DNAAF9: variants seen among roughly 807,000 people sequenced by gnomAD.
The protein encoded by DNAAF9 is dynein axonemal assembly factor 9.
DNAAF9 carries 90 observed loss-of-function variants against 167.0 expected under a neutral mutation model. The ratio of observed to expected loss-of-function variants is 0.54; its 90% CI spans 0.45 to 0.64. DNAAF9 has a LOEUF of 0.64. DNAAF9 is among the 30% of genes least tolerant of loss of function. The pLI is 0.00. For missense variants in DNAAF9, 1,315 were observed against 1,442.2 expected, an observed-to-expected ratio of 0.91 and a Z score of 1.43; for synonymous variants, 491 against 508.8, an observed-to-expected ratio of 0.96 and a Z score of 0.47.
rs188789654 is a variant in DNAAF9, at chr20:3,340,445, C to T, written c.981+59G>A. On this transcript the variant is annotated intron_variant, in intron 10 of 36. Coordinates refer to ENST00000252032, the MANE Select transcript of DNAAF9 (RefSeq NM_001009984.3). ...CTTTTTGTCTAGCTCCCCCCACCCACCCCACCCCCACAACTTGATAATAAA... is the reference window on the plus strand; with the variant it reads ...CTTTTTGTCTAGCTCCCCCCACCCATCCCACCCCCACAACTTGATAATAAA... 1.6e-3 allele frequency: 391 copies of T among 238,936 alleles called. 2 individuals carry two copies. Among genetic ancestry groups the T allele is most frequent in the Non-Finnish European group, 2.3e-3 (289 of 126,680 alleles). 14.8% of individuals were successfully genotyped at this position (238,936 alleles called of 1,614,324 possible).
rs966221093 is a variant in DNAAF9 at position 3,340,771 on chromosome 20, T to C, written c.846-132A>G. ...TGAGCAAAGTGGTCAGTCAGTACAGTCGACCGAATATCCTTGGCTGGTTGG... is the reference window on the plus strand; with the variant it reads ...TGAGCAAAGTGGTCAGTCAGTACAGCCGACCGAATATCCTTGGCTGGTTGG... On this transcript the variant is annotated intron_variant, in intron 9 of 36. Transcript: ENST00000252032. 3 of 742,982 alleles carry C rather than the reference T, an allele frequency of 4.0e-6. No individual in the cohort carries two copies. The Admixed American group carries it at 6.4e-5, about 16-fold the overall frequency. 46.0% of individuals were successfully genotyped at this position (742,982 alleles called of 1,614,324 possible). A position where few individuals can be genotyped will look rare whatever the true frequency, so the allele number is the denominator to read the frequency against.
At chr20:3,368,310 A>G (rs753041395) in intron 6 of DNAAF9, among the ~76,000 whole-genome samples, 1 of 152,138 alleles carries the variant, frequency 6.6e-6, no homozygotes, top group Admixed American at 6.5e-5. Flanking sequence ...AGCTAGTACC[A>G]TCAAGGGGCT....
At chr20:3,287,127 T>C (rs2068865540) in intron 27 of DNAAF9, among the ~76,000 whole-genome samples, 2 of 152,160 alleles carry the variant, frequency 1.3e-5, no homozygotes. Context: ...CCTATAATCA[T>C]AGTTCTGCAC....
chr20:3,301,990 T>G (rs1300360421), intron 21 of DNAAF9, among the ~76,000 whole-genome samples: 1 of 152,034 alleles, frequency 6.6e-6, no homozygotes, highest in Non-Finnish European at 1.5e-5. Flanking sequence ...CAGCCCAGGG[T>G]GGAGTGCAGT....
At chr20:3,291,001 C>A (rs1357347097) in intron 25 of DNAAF9, among the ~76,000 whole-genome samples, 3 of 151,988 alleles carry the variant, frequency 2.0e-5, no homozygotes, top group Admixed American at 6.6e-5. Flanking sequence ...GTTGGCCAGG[C>A]TGGTCTCGAA....
chr20:3,252,677 G>A lies in DNAAF9; in HGVS notation c.3429C>T (p.Asp1143=). ...CTTCCACGTAGTCATTCATGAACTG[G>A]TCCATGACTGGTATCTCATTAAGGA... ...GDKTDFHPLM[D]QFMNDYVEEA... Residue 1143 remains aspartate, a synonymous_variant, in exon 37 of 37, where the codon GAC becomes GAT. Coordinates refer to ENST00000252032, the MANE Select transcript of DNAAF9 (RefSeq NM_001009984.3). 6.4e-7 allele frequency: 1 copy of A among 1,572,494 alleles called. No individual in the cohort carries two copies.
intron 29 of DNAAF9, among the ~76,000 whole-genome samples, chr20:3,271,422 C>T (rs2122812312): frequency 6.6e-6 from 1 of 152,068 alleles, no homozygotes; most frequent in East Asian, 1.9e-4. Context: ...TGATCACTCC[C>T]AACCTTTTGG....
At position 3,337,441 on chromosome 20, in the gene DNAAF9, T is replaced by TG. The variant is rs1021257973; in HGVS notation, c.981+3062_981+3063insC. On this transcript the variant is annotated intron_variant, in intron 10 of 36. Coordinates refer to ENST00000252032, the MANE Select transcript of DNAAF9 (RefSeq NM_001009984.3). ...ACCACGCCCAGGTTCTTTTTTTTTG[T>TG]TTTTTTTTTTTTTGGTATTTTTAGT... 1.0e-4 allele frequency among the ~76,000 whole-genome samples: 3 copies of TG among 29,512 alleles called. No individual in the cohort carries two copies. The East Asian group carries it at 2.1e-3, about 21-fold the overall frequency. 19.4% of individuals were successfully genotyped at this position (29,512 alleles called of 152,430 possible). A position where few individuals can be genotyped will look rare whatever the true frequency, so the allele number is the denominator to read the frequency against.
chr20:3,250,188 T>C lies in DNAAF9; in HGVS notation c.*2384A>G, dbSNP rs958631699. Reference sequence around the variant, plus strand: ...ACTTCTAAGGTCAAAAGCAGTGTCATGGCCATTCCTTTGGAAACAGCAGAA... The same window carrying C: ...ACTTCTAAGGTCAAAAGCAGTGTCACGGCCATTCCTTTGGAAACAGCAGAA... On this transcript the variant is annotated 3_prime_UTR_variant, in exon 37 of 37. Coordinates refer to ENST00000252032, the MANE Select transcript of DNAAF9 (RefSeq NM_001009984.3). 1.3e-5 allele frequency: 2 copies of C among 152,254 alleles called. No homozygotes were observed. The highest frequency in any genetic ancestry group is 2.9e-5 in the Non-Finnish European group (2 of 68,074). 9.4% of individuals were successfully genotyped at this position (152,254 alleles called of 1,614,324 possible). A position where few individuals can be genotyped will look rare whatever the true frequency, so the allele number is the denominator to read the frequency against.
chr20:3,387,058 G>A (rs1259809800), intron 1 of DNAAF9, among the ~76,000 whole-genome samples: 1 of 152,172 alleles, frequency 6.6e-6, no homozygotes, highest in Non-Finnish European at 1.5e-5. Context: ...TGCATTGGTA[G>A]ACAATATCGT....
At chr20:3,377,917 T>C (rs2083597481) in intron 3 of DNAAF9, among the ~76,000 whole-genome samples, 1 of 152,180 alleles carries the variant, frequency 6.6e-6, no homozygotes, top group South Asian at 2.1e-4. Flanking sequence ...GTCCATTCAA[T>C]TGGTTGGAGG....
Position 3,382,488 on chromosome 20 carries a change from C to T in DNAAF9, c.102G>A (p.Gln34=). 6.2e-7 allele frequency: 1 copy of T among 1,613,882 alleles called. No homozygotes were observed. Among genetic ancestry groups the T allele is most frequent in the African/African-American group, 1.3e-5 (1 of 75,020 alleles). The part of the protein sequence containing the change: ...SPSVSCSRLR[Q]VQSILTQSSK... ...TGCTCTGGGTCAGGATGCTCTGAAC[C>T]TGCCGAAGTCGACTGCAGCTGCAAC... Residue 34 remains glutamine, a synonymous_variant, in exon 2 of 37, where the codon CAG becomes CAA. Coordinates refer to ENST00000252032, the MANE Select transcript of DNAAF9 (RefSeq NM_001009984.3).
intron 7 of DNAAF9, among the ~76,000 whole-genome samples, chr20:3,349,111 T>C (rs933814619): frequency 2.1e-5 from 3 of 144,798 alleles, no homozygotes; most frequent in Non-Finnish European, 4.5e-5. Context: ...TCCGGAACTT[T>C]GGGAGGCCCA....
In DNAAF9 at chr20:3,359,998, AC is replaced by A. The variant is rs2083339402; in HGVS notation, c.613-406del. 7 of 154,828 alleles carry A rather than the reference AC, an allele frequency of 4.5e-5. No individual in the cohort carries two copies. In the South Asian group the frequency reaches 1.4e-3, roughly 31 times the overall value. 9.6% of individuals were successfully genotyped at this position (154,828 alleles called of 1,614,324 possible). ...AATCCCCAACTCCAACCTTTCCCAAACCCCCACTAGTCTCACTCCTCATAAA... is the reference window on the plus strand; with the variant it reads ...AATCCCCAACTCCAACCTTTCCCAAACCCCACTAGTCTCACTCCTCATAAA... On this transcript the variant is annotated intron_variant, in intron 6 of 36. Coordinates refer to ENST00000252032, the MANE Select transcript of DNAAF9 (RefSeq NM_001009984.3).
chr20:3,343,685 G>A lies in DNAAF9; in HGVS notation c.836C>T (p.Thr279Ile). The A allele has an allele frequency of 6.2e-7, 1 of 1,610,492 alleles. No homozygotes were observed. The highest frequency in any genetic ancestry group is 8.5e-7 in the Non-Finnish European group (1 of 1,177,860). Residue 279 changes from threonine to isoleucine, a missense_variant, in exon 9 of 37, where the codon ACT becomes ATT. Physicochemically the swap from Thr to Ile is moderately conservative, Grantham distance 89. Around this residue, in one of 2 missense-constraint regions of DNAAF9, gnomAD observed 981 missense variants for 1,012.5 expected, o/e 0.97. Coordinates refer to ENST00000252032, the MANE Select transcript of DNAAF9 (RefSeq NM_001009984.3). Reference protein sequence around the residue: ...FSHGMISSHITENSPNRQPFV... With the variant: ...FSHGMISSHIIENSPNRQPFV... ...CAAGAAAGAAACTTACCTGTTTTCA[G>A]TTATATGGCTAGAGATCATTCCATG...
intron 6 of DNAAF9, among the ~76,000 whole-genome samples, chr20:3,372,188 G>A (rs979138580): frequency 5.3e-5 from 8 of 152,242 alleles, no homozygotes; most frequent in African/African-American, 1.7e-4. Context: ...GGAGGCAAGA[G>A]CCTTTCTGGC....
At chr20:3,337,489 A>C (rs951276602) in intron 10 of DNAAF9, among the ~76,000 whole-genome samples, 1 of 129,912 alleles carries the variant, frequency 7.7e-6, no homozygotes, top group Admixed American at 8.3e-5. Context: ...TCACTGTGTT[A>C]GCCAGGATGG....
chr20:3,335,971 A>G (rs933789605), intron 10 of DNAAF9, among the ~76,000 whole-genome samples: 6 of 151,478 alleles, frequency 4.0e-5, no homozygotes, highest in African/African-American at 1.5e-4. Flanking sequence ...AAAAATACAA[A>G]AATTAGCCAG....
intron 29 of DNAAF9, among the ~76,000 whole-genome samples, chr20:3,278,048 G>A (rs557981649): frequency 1.3e-5 from 2 of 152,302 alleles, no homozygotes; most frequent in South Asian, 4.1e-4. Flanking sequence ...ATAACAATGA[G>A]CATTTCATCA....
Sources: gnomAD v4.1 joint callset for allele counts (sites outside exome capture counted in the v4.1 genomes callset) on GRCh38, gnomAD v4.1.1 for gene constraint, gnomAD v4.1.1 regional missense constraint, MANE v1.5 for transcripts, NCBI Gene and HGNC (gene_info 2026-07-23, HGNC 2026-07-21) for gene names.